The following NELFB variants were observed in gnomAD, a reference collection of about 807,000 sequenced individuals.
NELFB encodes negative elongation factor complex member B.
In NELFB, 34 loss-of-function variants were observed where a neutral mutation model predicts 60.2. That is an observed-to-expected ratio of 0.56 (90% CI 0.43 to 0.75). The LOEUF (loss-of-function observed/expected upper bound fraction) is 0.75. NELFB is among the 30% of genes least tolerant of loss of function. The probability of loss-of-function intolerance (pLI) is 0.00; values close to 1 mark genes in which losing one functional copy is unlikely to be tolerated. For missense variants in NELFB, 770 were observed against 831.6 expected (o/e 0.93, Z 0.91); for synonymous variants, 459 against 382.1 (o/e 1.20, Z -2.35).
At chr9:137,257,329 C>CT (rs891429253) in intron 4 of NELFB, among the ~76,000 whole-genome samples, 4 of 152,178 alleles carry the variant, frequency 2.6e-5, no homozygotes, top group Admixed American at 2.6e-4. Context: ...CCCTCCCCTA[C>CT]TTTTTTTCTT....
At chr9:137,264,179 T>G in intron 5 of NELFB, 66 bp from the exon 6 acceptor site, 2 of 1,274,408 alleles carry the variant, frequency 1.6e-6, no homozygotes, top group Non-Finnish European at 2.2e-6. Flanking sequence ...GAGCTGTGTT[T>G]GGGGCCTGGG....
At chr9:137,262,337 CA>C (rs1469973655) in intron 4 of NELFB, among the ~76,000 whole-genome samples, 4 of 152,220 alleles carry the variant, frequency 2.6e-5, no homozygotes, top group Admixed American at 1.3e-4. Flanking sequence ...GTCCGCCTGG[CA>C]ACGGGCGTCT....
chr9:137,259,036 A>G (rs1830382088), intron 4 of NELFB, among the ~76,000 whole-genome samples: 1 of 152,090 alleles, frequency 6.6e-6, no homozygotes. Context: ...TACAAGAAAA[A>G]AAAATTAAGC....
At chr9:137,255,683 G>C in intron 1 of NELFB, 72 bp downstream of exon 1, 3 of 1,475,588 alleles carry the variant, frequency 2.0e-6, no homozygotes, top group Non-Finnish European at 2.7e-6. Flanking sequence ...CGGGCCTGGC[G>C]GAGGCGCCGG....
At chr9:137,268,418 T>A (rs547759116) in intron 10 of NELFB, among the ~76,000 whole-genome samples, 1 of 152,252 alleles carries the variant, frequency 6.6e-6, no homozygotes, top group Non-Finnish European at 1.5e-5. Context: ...ACCCTGTCTC[T>A]ACTAAAAAAA....
intron 4 of NELFB, among the ~76,000 whole-genome samples, chr9:137,259,174 G>A (rs1195155331): frequency 6.6e-6 from 1 of 152,138 alleles, no homozygotes. Context: ...CTGGGCGACA[G>A]AGTGAGAGAT....
chr9:137,272,185 A>G lies in NELFB; in HGVS notation c.1594A>G (p.Ser532Gly). 6.2e-7 allele frequency: 1 copy of G among 1,614,176 alleles called. No individual in the cohort carries two copies. The highest frequency in any genetic ancestry group is 1.3e-5 in the African/African-American group (1 of 75,068). Residue 532 changes from serine (S) to glycine (G), a missense_variant, in exon 11 of 13, where the codon AGC becomes GGC. Transcript: ENST00000343053. ...ATTTGCCCTTGAGGACTTCTGCAGCAGCCTCTTCGATGGCTTCTTCCTCAC... is the reference window on the plus strand; with the variant it reads ...ATTTGCCCTTGAGGACTTCTGCAGCGGCCTCTTCGATGGCTTCTTCCTCAC...
intron 10 of NELFB, among the ~76,000 whole-genome samples, chr9:137,270,305 G>A (rs1404654250): frequency 2.0e-5 from 3 of 148,846 alleles, no homozygotes; most frequent in African/African-American, 5.0e-5. Flanking sequence ...AAAAAAGGGC[G>A]GGGAGCCGGG....
chr9:137,257,308 A>G (rs1837570734), intron 4 of NELFB, among the ~76,000 whole-genome samples: 1 of 152,194 alleles, frequency 6.6e-6, no homozygotes. Flanking sequence ...CGCTCATGTG[A>G]AGTTAATCCC....
At position 137,272,942 on chromosome 9, in the gene NELFB, C is replaced by G. The variant is rs1391194733; in HGVS notation, c.*14C>G. ...GCCCCGCTCTGAGGGCCCTCCAGAC[C>G]TGCTCGGGTGCTGGGGCCATGCCGA... is the stretch of plus-strand genomic sequence containing the variant. On this transcript the variant is annotated 3_prime_UTR_variant, in exon 13 of 13. Transcript: ENST00000343053. 8.7e-6 allele frequency: 13 copies of G among 1,500,212 alleles called. No individual in the cohort carries two copies. The highest frequency in any genetic ancestry group is 2.3e-5 in the Admixed American group (1 of 43,896). 92.9% of individuals were successfully genotyped at this position (1,500,212 alleles called of 1,614,324 possible).
rs144250846 is a variant in NELFB, at chr9:137,265,138, G to A, written c.1041-739G>A. Among the ~76,000 whole-genome samples, 336 of 136,064 alleles carry A rather than the reference G, an allele frequency of 2.5e-3. 2 individuals are homozygous for A. Among genetic ancestry groups the A allele is most frequent in the African/African-American group, 8.7e-3 (315 of 36,192 alleles). 89.3% of individuals were successfully genotyped at this position (136,064 alleles called of 152,430 possible). A position where few individuals can be genotyped will look rare whatever the true frequency, so the allele number is the denominator to read the frequency against. On this transcript the variant is annotated intron_variant, in intron 6 of 12. Coordinates refer to ENST00000343053, the MANE Select transcript of NELFB (RefSeq NM_015456.5). ...CCTGGGCATTGATCCTGCTGTCTCC[G>A]CCTCCCAAAGTGCTGGGATTACAGG...
rs1048441762 is a variant in NELFB at position 137,273,057 on chromosome 9, C to T, written c.*129C>T. The stretch of plus-strand genomic sequence containing the variant: ...GGGGCTATGGCTGGGCCTGTCCTGC[C>T]GTCATGGCCCCCTGCTTCCTGCTCC... On this transcript the variant is annotated 3_prime_UTR_variant, in exon 13 of 13. Transcript: ENST00000343053. The T allele has an allele frequency of 4.6e-5, 49 of 1,058,042 alleles. No homozygotes were observed. Among genetic ancestry groups the T allele is most frequent in the Middle Eastern group, 3.2e-4 (1 of 3,112 alleles). The allele number at this position is 1,058,042 out of a possible 1,614,324, so 65.5% of individuals were successfully genotyped here.
At chr9:137,265,810 T>C in intron 6 of NELFB, 67 bp from the exon 7 acceptor site, 6 of 1,070,586 alleles carry the variant, frequency 5.6e-6, no homozygotes, top group Non-Finnish European at 8.7e-6. Context: ...CCACCCCTCC[T>C]GAGGACTGTG....
chr9:137,255,790 C>A, intron 1 of NELFB, 117 bp from the exon 2 acceptor site: 1 of 1,531,350 alleles, frequency 6.5e-7, no homozygotes, highest in Non-Finnish European at 8.8e-7. Flanking sequence ...CTTTCGGTGG[C>A]TGCGGTTACC....
In NELFB at chr9:137,257,883, G is replaced by A. The variant is rs1051005235; in HGVS notation, c.741+829G>A. ...GAGTGCAGTGGCGTGATCACGACTC[G>A]CTGCAGCTTTGACTTCCTGAGCTAA... On this transcript the variant is annotated intron_variant, in intron 4 of 12. Coordinates refer to ENST00000343053, the MANE Select transcript of NELFB (RefSeq NM_015456.5). Among the ~76,000 whole-genome samples the A allele has an allele frequency of 3.8e-4, 57 of 151,152 alleles. 1 individual carries two copies. Among genetic ancestry groups the A allele is most frequent in the Admixed American group, 1.9e-3 (29 of 15,158 alleles).
intron 10 of NELFB, among the ~76,000 whole-genome samples, chr9:137,268,386 C>A (rs992712174): frequency 6.6e-6 from 1 of 152,144 alleles, no homozygotes; most frequent in African/African-American, 2.4e-5. Flanking sequence ...GAGTTCGAGA[C>A]CAGTCTGGCC....
At chr9:137,266,487 G>A (rs1350185801) in intron 8 of NELFB, 61 bp downstream of exon 8, 2 of 1,447,580 alleles carry the variant, frequency 1.4e-6, no homozygotes, top group Non-Finnish European at 1.9e-6. Context: ...TGGAAGTGGG[G>A]TGGAGGGGGA....
chr9:137,269,908 GTTC>G lies in NELFB; in HGVS notation c.1490-2170_1490-2168del, dbSNP rs1213056225. On this transcript the variant is annotated intron_variant, in intron 10 of 12. Coordinates refer to ENST00000343053, the MANE Select transcript of NELFB (RefSeq NM_015456.5). This position sits in a 1 kb window ranked among gnomAD's most constrained non-coding sequence, Gnocchi z 5.3. Reference sequence around the variant, plus strand: ...AGTCACATTTGGGGAGAGCACGCGTGTTCTTAAGTTTTTAGCGGGTTCTAGTAA... The same window carrying G: ...AGTCACATTTGGGGAGAGCACGCGTGTTAAGTTTTTAGCGGGTTCTAGTAA... Among the ~76,000 whole-genome samples the G allele has an allele frequency of 6.6e-6, 1 of 152,212 alleles. No homozygotes were observed. Among genetic ancestry groups the G allele is most frequent in the Non-Finnish European group, 1.5e-5 (1 of 68,036 alleles).
At chr9:137,258,598 C>T (rs1017635939) in intron 4 of NELFB, among the ~76,000 whole-genome samples, 4 of 149,326 alleles carry the variant, frequency 2.7e-5, no homozygotes, top group South Asian at 2.2e-4. Flanking sequence ...ACAGGCGCGC[C>T]CCACCATGCC....
Sources: gnomAD v4.1 joint callset for allele counts (sites outside exome capture counted in the v4.1 genomes callset) on GRCh38, gnomAD v4.1.1 for gene constraint, Gnocchi (gnomAD v3.1) non-coding constraint, MANE v1.5 for transcripts, NCBI Gene and HGNC (gene_info 2026-07-23, HGNC 2026-07-21) for gene names.